The following MTHFSD variants were observed in gnomAD, a reference collection of about 807,000 sequenced individuals.
MTHFSD encodes the protein methenyltetrahydrofolate synthetase domain containing.
A neutral mutation model predicts 31.1 loss-of-function variants in MTHFSD; 37 were observed. That is an observed-to-expected ratio of 1.19 (90% CI 0.91 to 1.56). The LOEUF is 1.56. MTHFSD is among the 40% of genes most tolerant of loss of function. The pLI is 0.00. For synonymous variants in MTHFSD, 221 were observed against 206.9 expected (o/e 1.07, Z -0.59); for missense variants, 664 against 510.1 (o/e 1.30, Z -2.91).
intron 7 of MTHFSD, among the ~76,000 whole-genome samples, chr16:86,533,972 T>A (rs1326454645): frequency 6.6e-6 from 1 of 152,126 alleles, no homozygotes; most frequent in Non-Finnish European, 1.5e-5. Flanking sequence ...GAGTCCTCTG[T>A]GGTGGGATGC....
At chr16:86,541,867 T>C in intron 6 of MTHFSD, 45 bp from the exon 7 acceptor site, 1 of 1,610,198 alleles carries the variant, frequency 6.2e-7, no homozygotes, top group East Asian at 2.2e-5. Flanking sequence ...GGAATGCCAC[T>C]GCAGTCGTGC....
At chr16:86,540,649 G>A (rs940615318) in intron 7 of MTHFSD, 1 of 983,638 alleles carries the variant, frequency 1.0e-6, no homozygotes, top group Non-Finnish European at 1.2e-6. Flanking sequence ...TCTGTCTCGT[G>A]CATTGGCTTC....
chr16:86,553,051 C>G (rs1973409610), intron 2 of MTHFSD, among the ~76,000 whole-genome samples: 1 of 152,128 alleles, frequency 6.6e-6, no homozygotes, highest in African/African-American at 2.4e-5. Flanking sequence ...TTTTGATCAG[C>G]TGGGAAACTG....
At position 86,532,429 on chromosome 16, in the gene MTHFSD, C is replaced by A. The variant is rs200230356; in HGVS notation, c.734G>T (p.Arg245Leu). The change falls in exon 8 of 8, where the codon CGA becomes CTA. Residue 245 changes from arginine (R) to leucine (L), a missense_variant. Physicochemically the swap from Arg to Leu is moderately radical, Grantham distance 102. Transcript: ENST00000360900. ...GACATCCTTCCCAGCCTGCTGCTCT[C>A]GGGCGCGGAGGCTCCTCAGTATGGG... ...KIPILRSLRA[R>L]EQQAGKDVTL... 2.0e-6 allele frequency: 3 copies of A among 1,478,242 alleles called. No individual in the cohort carries two copies. Among genetic ancestry groups the A allele is most frequent in the East Asian group, 2.5e-5 (1 of 40,070 alleles). The allele number at this position is 1,478,242 out of a possible 1,614,324, so 91.6% of individuals were successfully genotyped here. A position where few individuals can be genotyped will look rare whatever the true frequency, so the allele number is the denominator to read the frequency against.
chr16:86,543,780 G>A (rs370531938), intron 5 of MTHFSD, among the ~76,000 whole-genome samples: 3 of 152,208 alleles, frequency 2.0e-5, no homozygotes, highest in Non-Finnish European at 2.9e-5. Flanking sequence ...GTGAGGAACC[G>A]GGCCACACAG....
chr16:86,534,541 T>C (rs1332175474), intron 7 of MTHFSD, among the ~76,000 whole-genome samples: 1 of 152,246 alleles, frequency 6.6e-6, no homozygotes, highest in Non-Finnish European at 1.5e-5. Flanking sequence ...AACCTCTTTC[T>C]ACACCTCTAT....
Position 86,542,409 on chromosome 16 carries a change from A to G in MTHFSD, c.443-196T>C, listed in dbSNP as rs553493591. The G allele has an allele frequency of 4.8e-4, 278 of 580,684 alleles. No individual in the cohort carries two copies. Among genetic ancestry groups the G allele is most frequent in the South Asian group, 8.2e-4 (40 of 48,682 alleles). 36.0% of individuals were successfully genotyped at this position (580,684 alleles called of 1,614,324 possible). On this transcript the variant is annotated intron_variant, in intron 5 of 7. Transcript: ENST00000360900. The surrounding 1 kb of genome is among the most constrained non-coding windows in gnomAD (Gnocchi z 4.6). ...ATGGACTTTTGGGCATTCAACAGGA[A>G]TAACAACACGGCCAATGTCAGGTGG...
rs890536058 is a variant in MTHFSD, at chr16:86,530,294, C to T, written c.*1717G>A. 3.3e-5 allele frequency: 5 copies of T among 152,228 alleles called. No individual in the cohort carries two copies. Among genetic ancestry groups the T allele is most frequent in the African/African-American group, 7.2e-5 (3 of 41,456 alleles). The allele number at this position is 152,228 out of a possible 1,614,324, so 9.4% of individuals were successfully genotyped here. ...TTCAGATTATCTGTATATCCATATA[C>T]CTGGATTATTCTGGCTAAAGCGACA... On this transcript the variant is annotated 3_prime_UTR_variant, in exon 8 of 8. Coordinates refer to ENST00000360900, the MANE Select transcript of MTHFSD (RefSeq NM_001159377.2).
intron 5 of MTHFSD, among the ~76,000 whole-genome samples, chr16:86,544,475 A>G (rs1971986354): frequency 6.6e-6 from 1 of 152,272 alleles, no homozygotes; most frequent in African/African-American, 2.4e-5. Context: ...AAACATGGAA[A>G]AAAGCTCAAC....
rs946302762 is a variant in MTHFSD at position 86,532,387 on chromosome 16, T to C, written c.776A>G (p.His259Arg). The C allele has an allele frequency of 3.8e-6, 6 of 1,564,100 alleles. No homozygotes were observed. Among genetic ancestry groups the C allele is most frequent in the South Asian group, 2.4e-5 (2 of 83,844 alleles). ...GCAGCCTGGTTCCGGAAGGTGCTGG[T>C]GCTCACCCTGGAGGGTGACATCCTT... ...AGKDVTLQGE[H>R]QHLPEPGCQQ... Residue 259 changes from histidine to arginine, a missense_variant, in exon 8 of 8, where the codon CAC (histidine) becomes CGC (arginine). Coordinates refer to ENST00000360900, the MANE Select transcript of MTHFSD (RefSeq NM_001159377.2).
chr16:86,554,735 C>G lies in MTHFSD; in HGVS notation c.33G>C (p.Gln11His), dbSNP rs1302452568. The change falls in exon 2 of 8, where the codon CAG becomes CAC. Residue 11 changes from glutamine to histidine, a missense_variant. Gln to His is a conservative substitution (Grantham distance 24). Transcript: ENST00000360900. The stretch of plus-strand genomic sequence containing the variant: ...AGCCCCAAATTTGTTCACGTATGTC[C>G]TGTTTGGAGACACCTACTGCAACAA... MEPRAVGVSK[Q>H]DIREQIWGYM... 1.2e-6 allele frequency: 2 copies of G among 1,613,930 alleles called. No homozygotes were observed. The highest frequency in any genetic ancestry group is 2.2e-5 in the East Asian group (1 of 44,878).
chr16:86,531,995 G>C lies in MTHFSD; in HGVS notation c.*16C>G, dbSNP rs555142457. 70 of 1,443,400 alleles carry C rather than the reference G, an allele frequency of 4.8e-5. No individual in the cohort carries two copies. The highest frequency in any genetic ancestry group is 1.3e-4 in the East Asian group (5 of 39,284). The allele number at this position is 1,443,400 out of a possible 1,614,324, so 89.4% of individuals were successfully genotyped here. ...GGATGGCGAGTCTGCAGTGAGCTCC[G>C]TGGCTGTCCACGAGGTCACTTGTCC... On this transcript the variant is annotated 3_prime_UTR_variant, in exon 8 of 8. Coordinates refer to ENST00000360900, the MANE Select transcript of MTHFSD (RefSeq NM_001159377.2). This position sits in a 1 kb window ranked among gnomAD's most constrained non-coding sequence, Gnocchi z 5.5.
chr16:86,548,314 G>A, intron 4 of MTHFSD, 150 bp downstream of exon 4: 2 of 834,132 alleles, frequency 2.4e-6, no homozygotes, highest in South Asian at 1.6e-5. Context: ...CTCCATTAAG[G>A]ACAGAATTCT....
chr16:86,548,382 G>A lies in MTHFSD; in HGVS notation c.351+82C>T, dbSNP rs567536387. The A allele has an allele frequency of 1.6e-3, 1,776 of 1,107,018 alleles. 5 individuals carry two copies. The highest frequency in any genetic ancestry group is 2.2e-3 in the Middle Eastern group (11 of 4,964). The allele number at this position is 1,107,018 out of a possible 1,614,324, so 68.6% of individuals were successfully genotyped here. ...TGTTAAAAATGAATTCCAACTGTGT[G>A]CTGCTATCTTATGCTAAGTCGTCAG... On this transcript the variant is annotated intron_variant, in intron 4 of 7. Coordinates refer to ENST00000360900, the MANE Select transcript of MTHFSD (RefSeq NM_001159377.2).
intron 3 of MTHFSD, 136 bp downstream of exon 3, chr16:86,551,897 G>A (rs1973198982): frequency 1.4e-6 from 2 of 1,476,268 alleles, no homozygotes; most frequent in African/African-American, 2.8e-5. Flanking sequence ...CACCACCAAG[G>A]GCACTTTCTG....
intron 3 of MTHFSD, among the ~76,000 whole-genome samples, chr16:86,550,288 C>T (rs1264772109): frequency 2.6e-5 from 4 of 152,252 alleles, no homozygotes; most frequent in Non-Finnish European, 5.9e-5. Context: ...ATGCCCAGCA[C>T]GCAGCCTGGG....
At chr16:86,551,233 T>TA (rs1323846839) in intron 3 of MTHFSD, among the ~76,000 whole-genome samples, 3 of 152,244 alleles carry the variant, frequency 2.0e-5, no homozygotes, top group African/African-American at 7.2e-5. Context: ...TAGTTTATAA[T>TA]AAACTAATTT....
chr16:86,541,883 G>A (rs1971577759), intron 6 of MTHFSD, 61 bp from the exon 7 acceptor site: 3 of 1,597,874 alleles, frequency 1.9e-6, no homozygotes, highest in South Asian at 1.1e-5. Context: ...CGTGCACACT[G>A]CCCCGCTCGG....
chr16:86,548,753 C>T (rs542825044), intron 3 of MTHFSD, among the ~76,000 whole-genome samples, 176 bp from the exon 4 acceptor site: 26 of 152,198 alleles, frequency 1.7e-4, no homozygotes, highest in South Asian at 1.2e-3. Context: ...TGTGTGGGGT[C>T]GATTTTTCTT....
Sources: allele counts gnomAD v4.1 joint callset (sites outside exome capture counted in the v4.1 genomes callset), GRCh38; gene constraint gnomAD v4.1.1; non-coding constraint Gnocchi (gnomAD v3.1); transcripts MANE v1.5; gene names NCBI Gene and HGNC (gene_info 2026-07-23, HGNC 2026-07-21).